Variants in PCMT1 observed in about 807,000 individuals in gnomAD.
PCMT1 encodes protein-L-isoaspartate (D-aspartate) O-methyltransferase, also known as protein-L-isoaspartate(D-aspartate) O-methyltransferase.
In PCMT1, 9 loss-of-function variants were observed where a neutral mutation model predicts 29.2. The ratio of observed to expected loss-of-function variants is 0.31; its 90% CI spans 0.19 to 0.54. PCMT1 has a LOEUF of 0.54. Ranked by LOEUF, PCMT1 falls within the 20% of genes least tolerant of loss-of-function variation. The probability of loss-of-function intolerance (pLI) is 0.95; values close to 1 mark genes in which losing one functional copy is unlikely to be tolerated. For synonymous variants in PCMT1, 98 were observed against 97.5 expected (o/e 1.00, Z -0.03); for missense variants, 184 against 282.2 (o/e 0.65, Z 2.49).
At chr6:149,799,852 C>T (rs1190647616) in intron 6 of PCMT1, among the ~76,000 whole-genome samples, 1 of 152,082 alleles carries the variant, frequency 6.6e-6, no homozygotes, top group Non-Finnish European at 1.5e-5. Context: ...CTTGACTCAG[C>T]AGCAAATCAT....
chr6:149,782,890 C>G (rs1457308113), intron 3 of PCMT1, among the ~76,000 whole-genome samples: 1 of 152,106 alleles, frequency 6.6e-6, no homozygotes, highest in Non-Finnish European at 1.5e-5. Context: ...GGTGCAGTGG[C>G]TGATGCGTGT....
At chr6:149,755,538 A>G (rs1363172109) in intron 1 of PCMT1, among the ~76,000 whole-genome samples, 1 of 152,152 alleles carries the variant, frequency 6.6e-6, no homozygotes, top group African/African-American at 2.4e-5. Flanking sequence ...GTAAAGGGAA[A>G]CTACTGTACT....
rs1471360899 is a variant in PCMT1 at position 149,753,453 on chromosome 6, C to A, written c.55+3497C>A. Among the ~76,000 whole-genome samples the A allele has an allele frequency of 2.0e-5, 3 of 152,046 alleles. No homozygotes were observed. In the East Asian group the frequency reaches 5.8e-4, roughly 29 times the overall value. On this transcript the variant is annotated intron_variant, in intron 1 of 7. Coordinates refer to ENST00000464889, the MANE Select transcript of PCMT1 (RefSeq NM_001360452.2). ...GTTCAAGCAATTCTCTGGCCTCAGCCTCCCGAGTAGCTGGGATTACAGGCA... is the reference window on the plus strand; with the variant it reads ...GTTCAAGCAATTCTCTGGCCTCAGCATCCCGAGTAGCTGGGATTACAGGCA...
intron 1 of PCMT1, among the ~76,000 whole-genome samples, chr6:149,767,014 G>A (rs1354559981): frequency 6.6e-6 from 1 of 152,006 alleles, no homozygotes; most frequent in East Asian, 1.9e-4. Context: ...TTCAAGACCA[G>A]CCTGGCCAAC....
chr6:149,778,843 T>G (rs1240339796), intron 3 of PCMT1, among the ~76,000 whole-genome samples: 2 of 152,166 alleles, frequency 1.3e-5, no homozygotes, highest in Non-Finnish European at 2.9e-5. Context: ...CGGGCTTTCT[T>G]TTTTCTTTAA....
chr6:149,792,931 G>C (rs1788431558), intron 4 of PCMT1, among the ~76,000 whole-genome samples: 1 of 152,172 alleles, frequency 6.6e-6, no homozygotes, highest in Admixed American at 6.6e-5. Context: ...GGGAGGCCAA[G>C]GCGGGCAGAT....
chr6:149,795,586 G>A, intron 5 of PCMT1: 3 of 527,640 alleles, frequency 5.7e-6, no homozygotes, highest in South Asian at 3.5e-5. Flanking sequence ...AATGAGAAAG[G>A]AGAGTATGAA....
rs1167356 is a variant in PCMT1, at chr6:149,762,729, T to C, written c.56-8433T>C. 4.8e-4 allele frequency among the ~76,000 whole-genome samples: 21 copies of C among 44,038 alleles called. 6 individuals carry two copies. Among genetic ancestry groups the C allele is most frequent in the Non-Finnish European group, 6.1e-4 (20 of 32,710 alleles). 28.9% of individuals were successfully genotyped at this position (44,038 alleles called of 152,430 possible). A position where few individuals can be genotyped will look rare whatever the true frequency, so the allele number is the denominator to read the frequency against. ...GATATATATATCTATGATATATATA[T>C]CTATGATATATATATATCTATGATA... On this transcript the variant is annotated intron_variant, in intron 1 of 7. Coordinates refer to ENST00000464889, the MANE Select transcript of PCMT1 (RefSeq NM_001360452.2).
Position 149,802,399 on chromosome 6 carries a change from T to G in PCMT1, c.*20T>G, listed in dbSNP as rs201665205. ...AAGTGATTTTATCTTCTGCTCTTTC[T>G]TCTTCCACACATGCAAGGTGAAAGG... On this transcript the variant is annotated 3_prime_UTR_variant, in exon 7 of 8. Coordinates refer to ENST00000464889, the MANE Select transcript of PCMT1 (RefSeq NM_001360452.2). 3 of 1,593,694 alleles carry G rather than the reference T, an allele frequency of 1.9e-6. No individual in the cohort carries two copies. In the African/African-American group the frequency reaches 4.0e-5, roughly 21 times the overall value.
At chr6:149,764,220 A>G (rs1037722504) in intron 1 of PCMT1, among the ~76,000 whole-genome samples, 3 of 152,200 alleles carry the variant, frequency 2.0e-5, no homozygotes, top group Non-Finnish European at 4.4e-5. Context: ...GATCATAGAA[A>G]TCTAACATCT....
chr6:149,798,260 G>C (rs563638258), intron 6 of PCMT1: 1 of 151,344 alleles, frequency 6.6e-6, no homozygotes, highest in East Asian at 1.9e-4. Flanking sequence ...AGTCATAAAC[G>C]AACAGCTCAA....
At chr6:149,772,675 T>G (rs1323380323) in intron 2 of PCMT1, 2 of 421,604 alleles carry the variant, frequency 4.7e-6, no homozygotes, top group Non-Finnish European at 9.2e-6. Context: ...GTGACAGTAC[T>G]CTAATAGAAG....
rs549855023 is a variant in PCMT1, at chr6:149,775,056, G to T, written c.192+1887G>T. 5.9e-5 allele frequency among the ~76,000 whole-genome samples: 9 copies of T among 152,116 alleles called. No individual in the cohort carries two copies. In the East Asian group the frequency reaches 1.7e-3, roughly 30 times the overall value. ...GACAGGGTTTCACCTTGTTGGCCAGGCTGGTTTTGAACTCCTGACCTCAGG... is the reference window on the plus strand; with the variant it reads ...GACAGGGTTTCACCTTGTTGGCCAGTCTGGTTTTGAACTCCTGACCTCAGG... On this transcript the variant is annotated intron_variant, in intron 3 of 7. Transcript: ENST00000464889.
At chr6:149,779,556 C>T (rs150909479) in intron 3 of PCMT1, among the ~76,000 whole-genome samples, 31 of 152,132 alleles carry the variant, frequency 2.0e-4, no homozygotes, top group African/African-American at 7.0e-4. Flanking sequence ...ATGCCTGTAA[C>T]CCTAGCACTT....
chr6:149,810,155 C>T (rs1776123398), intron 7 of PCMT1: 1 of 154,870 alleles, frequency 6.5e-6, no homozygotes. Flanking sequence ...TGCCTTTTCT[C>T]TCAGAGCGCT....
chr6:149,755,634 T>C (rs1786476998), intron 1 of PCMT1, among the ~76,000 whole-genome samples: 1 of 152,222 alleles, frequency 6.6e-6, no homozygotes, highest in Admixed American at 6.5e-5. Context: ...TGTTTCTACT[T>C]ATGTTTCTTT....
At chr6:149,770,010 A>C (rs1237704361) in intron 1 of PCMT1, among the ~76,000 whole-genome samples, 2 of 152,116 alleles carry the variant, frequency 1.3e-5, no homozygotes, top group Non-Finnish European at 2.9e-5. Context: ...TCTGGTCTTC[A>C]TCCTGCCTCT....
chr6:149,783,784 A>G lies in PCMT1; in HGVS notation c.193-6170A>G, dbSNP rs370171346. Among the ~76,000 whole-genome samples the G allele has an allele frequency of 1.3e-4, 20 of 152,010 alleles. No homozygotes were observed. In the South Asian group the frequency reaches 4.1e-3, roughly 32 times the overall value. Reference sequence around the variant, plus strand: ...AGCTCACTATAACCTCAAGCTCTTCAGCTCCAGTGATCTTCCTGCCTCTGC... The same window carrying G: ...AGCTCACTATAACCTCAAGCTCTTCGGCTCCAGTGATCTTCCTGCCTCTGC... On this transcript the variant is annotated intron_variant, in intron 3 of 7. Transcript: ENST00000464889.
chr6:149,807,496 G>A (rs985468798), intron 7 of PCMT1, among the ~76,000 whole-genome samples: 1 of 151,856 alleles, frequency 6.6e-6, no homozygotes, highest in Admixed American at 6.6e-5. Context: ...TCAGCCTCCC[G>A]CATAGCTGGG....
Sources: allele counts gnomAD v4.1 joint callset (sites outside exome capture counted in the v4.1 genomes callset), GRCh38; gene constraint gnomAD v4.1.1; transcripts MANE v1.5; gene names NCBI Gene and HGNC (gene_info 2026-07-23, HGNC 2026-07-21).